Variants in ADGRE2 observed in about 807,000 individuals in gnomAD.
ADGRE2 encodes the protein CD97 antigen.
A neutral mutation model predicts 100.8 loss-of-function variants in ADGRE2; 83 were observed. That is an observed-to-expected ratio of 0.82 (90% CI 0.69 to 0.99). The LOEUF (loss-of-function observed/expected upper bound fraction) is 0.99. Ranked by LOEUF, ADGRE2 falls within the 50% of genes least tolerant of loss-of-function variation. The pLI is 0.00. For synonymous variants in ADGRE2, 355 were observed against 413.0 expected, an observed-to-expected ratio of 0.86 and a Z score of 1.70; for missense variants, 814 against 1,035.7, an observed-to-expected ratio of 0.79 and a Z score of 2.94.
chr19:14,736,559 C>A (rs1457721885), intron 20 of ADGRE2, among the ~76,000 whole-genome samples: 1 of 119,424 alleles, frequency 8.4e-6, no homozygotes, highest in African/African-American at 3.0e-5. Context: ...CTGAGCTGGC[C>A]TGAAATATAT....
downstream of ADGRE2, among the ~76,000 whole-genome samples, chr19:14,728,543 A>C (rs2042648120): frequency 6.6e-6 from 1 of 152,170 alleles, no homozygotes; most frequent in South Asian, 2.1e-4. Flanking sequence ...ATCACTTATA[A>C]ATGTATTCAA....
chr19:14,751,737 G>T, intron 15 of ADGRE2, 66 bp from the exon 16 acceptor site: 1 of 1,161,418 alleles, frequency 8.6e-7, no homozygotes, highest in African/African-American at 1.6e-5. Flanking sequence ...GGCTTCTCCT[G>T]TACCATGTTG....
chr19:14,754,963 G>T lies in ADGRE2; in HGVS notation c.1581C>A (p.Tyr527Ter), dbSNP rs754549569. 75 of 1,613,902 alleles carry T rather than the reference G, an allele frequency of 4.6e-5. 1 individual carries two copies. In the Middle Eastern group the frequency reaches 8.5e-4, roughly 18 times the overall value. The change falls in exon 14 of 21, where the codon TAC becomes TAA. Residue 527 changes from tyrosine to a stop codon, truncating the protein, a stop_gained. Coordinates refer to ENST00000315576, the MANE Select transcript of ADGRE2 (RefSeq NM_013447.4). LOFTEE classifies it high-confidence loss of function. Reference sequence around the variant, plus strand: ...CTCCTAAGGGTCTCACCTGCACATCGTAGTGGGCCATGAGGACGGCAAAGC... The same window carrying T: ...CTCCTAAGGGTCTCACCTGCACATCTTAGTGGGCCATGAGGACGGCAAAGC... ...LSSFAVLMAH[Y>*]DVQEEDPVLT...
downstream of ADGRE2, chr19:14,731,568 T>G: frequency 5.0e-6 from 1 of 198,394 alleles, no homozygotes. Context: ...TTCAAACGTG[T>G]ACCCTAGCTC....
rs1568627116 is a variant in ADGRE2 at position 14,773,096 on chromosome 19, AAAC to A, written c.200-602_200-600del. On this transcript the variant is annotated intron_variant, in intron 4 of 20. Transcript: ENST00000315576. ...ACTCCATCTCAAAAAAAAAAAAAAA[AAAC>A]AAAAAAAAAAAGAAAAAAGAAAAAT... Among the ~76,000 whole-genome samples the A allele has an allele frequency of 2.9e-3, 396 of 137,152 alleles. 19 individuals carry two copies. The highest frequency in any genetic ancestry group is 7.0e-3 in the African/African-American group (234 of 33,534). 90.0% of individuals were successfully genotyped at this position (137,152 alleles called of 152,430 possible). A position where few individuals can be genotyped will look rare whatever the true frequency, so the allele number is the denominator to read the frequency against.
At chr19:14,760,145 G>C (rs1396374528) in intron 11 of ADGRE2, among the ~76,000 whole-genome samples, 1 of 152,096 alleles carries the variant, frequency 6.6e-6, no homozygotes, top group Non-Finnish European at 1.5e-5. Context: ...CAGCAGAGCA[G>C]AGTGACTATA....
intron 20 of ADGRE2, among the ~76,000 whole-genome samples, chr19:14,736,769 AAT>A (rs1168689713): frequency 3.6e-5 from 5 of 140,488 alleles, no homozygotes; most frequent in Non-Finnish European, 7.5e-5. Flanking sequence ...GATATTTAGA[AAT>A]ATAGATATTT....
chr19:14,752,717 C>T (rs995305507), intron 14 of ADGRE2, among the ~76,000 whole-genome samples, 191 bp from the exon 15 acceptor site: 4 of 152,032 alleles, frequency 2.6e-5, no homozygotes, highest in African/African-American at 9.7e-5. Context: ...GCTAGGAATA[C>T]AGGCGTAGTC....
intron 4 of ADGRE2, among the ~76,000 whole-genome samples, chr19:14,773,088 A>C (rs1354335841): frequency 6.8e-6 from 1 of 146,990 alleles, no homozygotes; most frequent in African/African-American, 2.5e-5. Flanking sequence ...CTCAAAAAAA[A>C]AAAAAAAAAA....
rs993641053 is a variant in ADGRE2, at chr19:14,750,265, T to G, written c.2024+1171A>C. Among the ~76,000 whole-genome samples the G allele has an allele frequency of 6.1e-5, 9 of 146,600 alleles. 2 individuals are homozygous for G. Among genetic ancestry groups the G allele is most frequent in the Non-Finnish European group, 1.2e-4 (8 of 67,054 alleles). ...TACATATAAAATAATCTAATATAAT[T>G]ATATAATTATATGATTATCTAATTA... On this transcript the variant is annotated intron_variant, in intron 16 of 20. Transcript: ENST00000315576.
chr19:14,755,530 C>G, intron 13 of ADGRE2, 124 bp downstream of exon 13: 1 of 867,072 alleles, frequency 1.2e-6, no homozygotes, highest in South Asian at 1.6e-5. Context: ...TTGGGAAGGA[C>G]TGACTTTCCT....
At position 14,776,847 on chromosome 19, in the gene ADGRE2, C is replaced by G; in HGVS notation, c.-91G>C. ...TCCGCAGGCTGGGCAGCTGTGCGGG[C>G]TGTCCCGAGGCCAGGACTTTATAAA... On this transcript the variant is annotated 5_prime_UTR_variant, in exon 2 of 21. Coordinates refer to ENST00000315576, the MANE Select transcript of ADGRE2 (RefSeq NM_013447.4). The G allele has an allele frequency of 6.3e-7, 1 of 1,582,150 alleles. No homozygotes were observed. The highest frequency in any genetic ancestry group is 1.1e-5 in the South Asian group (1 of 87,064).
chr19:14,751,931 A>T (rs1166372648), intron 15 of ADGRE2, among the ~76,000 whole-genome samples: 1,408 of 133,476 alleles, frequency 0.011, 17 homozygotes, highest in Non-Finnish European at 0.017. Context: ...ATATATATAT[A>T]TTTTTTTTTT....
At chr19:14,746,373 C>CTAT in intron 17 of ADGRE2, 50 bp from the exon 18 acceptor site, 5 of 940,982 alleles carry the variant, frequency 5.3e-6, no homozygotes, top group Non-Finnish European at 8.0e-6. Flanking sequence ...AACCTGTTAT[C>CTAT]TCTTTTTTTT....
intron 1 of ADGRE2, chr19:14,777,196 G>A: frequency 1.8e-6 from 1 of 550,830 alleles, no homozygotes; most frequent in Non-Finnish European, 2.3e-6. Flanking sequence ...TCTTCCCTGG[G>A]CAGGCACGCA....
At chr19:14,724,706 C>T in the ADGRE2 span, among the ~76,000 whole-genome samples, 25 of 149,252 alleles carry the variant, frequency 1.7e-4, no homozygotes, top group African/African-American at 5.6e-4. Flanking sequence ...GCGGAGGTTG[C>T]AGTGAGCCGA....
chr19:14,767,203 G>A, intron 5 of ADGRE2, 94 bp from the exon 6 acceptor site: 4 of 1,565,910 alleles, frequency 2.6e-6, no homozygotes, highest in Non-Finnish European at 3.5e-6. Context: ...GAAGCATCTG[G>A]AAGGCACCAC....
intron 11 of ADGRE2, among the ~76,000 whole-genome samples, chr19:14,759,488 CAT>C (rs147074153): frequency 3.7e-5 from 5 of 133,576 alleles, no homozygotes; most frequent in Admixed American, 7.6e-5. Flanking sequence ...ATAAGTTATA[CAT>C]ATATATATAT....
intron 20 of ADGRE2, among the ~76,000 whole-genome samples, chr19:14,740,354 G>A (rs542755870): frequency 6.6e-6 from 1 of 152,178 alleles, no homozygotes; most frequent in Admixed American, 6.6e-5. Context: ...AGGTGTGGTG[G>A]CTCACGCTTG....
Sources: gnomAD v4.1 joint callset for allele counts (sites outside exome capture counted in the v4.1 genomes callset) on GRCh38, gnomAD v4.1.1 for gene constraint, MANE v1.5 for transcripts, NCBI Gene and HGNC (gene_info 2026-07-23, HGNC 2026-07-21) for gene names.